The following RIT2 variants were observed in gnomAD, a reference collection of about 807,000 sequenced individuals.
RIT2 encodes Ras like without CAAX 2.
Under a neutral mutation model 23.7 loss-of-function variants are expected in RIT2, and 24 were observed. The observed-to-expected ratio is 1.01, with a 90% CI of 0.73 to 1.43. The LOEUF (loss-of-function observed/expected upper bound fraction) is 1.43. Among genes scored for constraint, RIT2 ranks in the 40% most tolerant of loss-of-function variants. The probability of loss-of-function intolerance (pLI) is 0.00; values close to 1 mark genes in which losing one functional copy is unlikely to be tolerated. For missense variants in RIT2, 236 were observed against 266.9 expected (o/e 0.88, Z 0.81); for synonymous variants, 107 against 91.1 (o/e 1.17, Z -0.99).
chr18:43,008,046 A>T (rs1236488802), intron 2 of RIT2, among the ~76,000 whole-genome samples: 1 of 151,656 alleles, frequency 6.6e-6, no homozygotes, highest in Non-Finnish European at 1.5e-5. Flanking sequence ...CAAGGACATA[A>T]CACCACATAT....
intron 2 of RIT2, among the ~76,000 whole-genome samples, chr18:43,005,155 A>C (rs184830078): frequency 2.6e-5 from 4 of 151,986 alleles, no homozygotes; most frequent in African/African-American, 9.6e-5. Flanking sequence ...AGCTAATTCT[A>C]TCTCATCTCC....
intron 4 of RIT2, among the ~76,000 whole-genome samples, chr18:42,832,341 A>C (rs1375051188): frequency 6.6e-6 from 1 of 152,218 alleles, no homozygotes; most frequent in Non-Finnish European, 1.5e-5. Flanking sequence ...AATAATGTAA[A>C]TACCAAGTGA....
intron 1 of RIT2, among the ~76,000 whole-genome samples, chr18:43,063,529 A>C (rs573109949): frequency 4.6e-5 from 7 of 152,308 alleles, no homozygotes; most frequent in Non-Finnish European, 8.8e-5. Context: ...TTTTGAAATT[A>C]ATTTTACGTT....
intron 4 of RIT2, among the ~76,000 whole-genome samples, chr18:42,792,015 A>G (rs1371113550): frequency 6.6e-6 from 1 of 152,216 alleles, no homozygotes; most frequent in East Asian, 1.9e-4. Flanking sequence ...ACTTGGAAGG[A>G]TAGGACTTTG....
At chr18:43,090,737 G>T (rs1350164143) in intron 1 of RIT2, among the ~76,000 whole-genome samples, 1 of 151,950 alleles carries the variant, frequency 6.6e-6, no homozygotes, top group East Asian at 1.9e-4. Flanking sequence ...GAGCAAGTTT[G>T]CTAAGGCCAT....
intron 1 of RIT2, among the ~76,000 whole-genome samples, chr18:43,052,965 G>C (rs547743456): frequency 2.0e-5 from 3 of 151,794 alleles, no homozygotes; most frequent in Non-Finnish European, 4.4e-5. Context: ...TATTTCATGC[G>C]GATAATTAAA....
intron 3 of RIT2, among the ~76,000 whole-genome samples, chr18:42,935,980 G>A (rs1345714887): frequency 1.3e-5 from 2 of 151,738 alleles, no homozygotes; most frequent in Admixed American, 6.6e-5. Flanking sequence ...GGCAATCCAA[G>A]GCAGTTTCCT....
intron 2 of RIT2, among the ~76,000 whole-genome samples, chr18:43,014,730 G>A (rs1474688814): frequency 6.6e-6 from 1 of 151,516 alleles, no homozygotes; most frequent in East Asian, 1.9e-4. Flanking sequence ...CACAAAATAA[G>A]AGTGCAGGAA....
chr18:42,872,111 AAAAC>A (rs897727839), intron 4 of RIT2, among the ~76,000 whole-genome samples: 8 of 152,204 alleles, frequency 5.3e-5, no homozygotes, highest in African/African-American at 9.7e-5. Context: ...TATTAAGTAA[AAAAC>A]AAAAAAAAAT....
At chr18:42,855,983 A>C (rs1907171129) in intron 4 of RIT2, among the ~76,000 whole-genome samples, 1 of 152,154 alleles carries the variant, frequency 6.6e-6, no homozygotes, top group Non-Finnish European at 1.5e-5. Flanking sequence ...CCCAAAATGA[A>C]GCCCTCAGAA....
At chr18:43,061,402 C>T (rs62092696) in intron 1 of RIT2, among the ~76,000 whole-genome samples, 12,164 of 152,054 alleles carry the variant, frequency 0.08, 632 homozygotes, top group East Asian at 0.18. Context: ...TAATAAGCAA[C>T]GGATATCAGA....
intron 4 of RIT2, among the ~76,000 whole-genome samples, chr18:42,892,101 G>C (rs1250935790): frequency 6.6e-6 from 1 of 152,078 alleles, no homozygotes; most frequent in African/African-American, 2.4e-5. Flanking sequence ...AACCTCTCCA[G>C]GGTAGAAGGC....
At chr18:43,075,636 T>C (rs1234832517) in intron 1 of RIT2, among the ~76,000 whole-genome samples, 2 of 152,210 alleles carry the variant, frequency 1.3e-5, no homozygotes, top group Non-Finnish European at 2.9e-5. Flanking sequence ...ATACTGCTTG[T>C]TTCTGAGTCT....
intron 1 of RIT2, among the ~76,000 whole-genome samples, chr18:43,042,759 G>A (rs1912157980): frequency 6.6e-6 from 1 of 152,160 alleles, no homozygotes; most frequent in African/African-American, 2.4e-5. Flanking sequence ...GAAGAAGATG[G>A]GGAGTTGTGG....
At chr18:42,842,451 T>G (rs147860362) in intron 4 of RIT2, among the ~76,000 whole-genome samples, 6 of 152,288 alleles carry the variant, frequency 3.9e-5, no homozygotes, top group African/African-American at 1.4e-4. Context: ...ATATAATAAG[T>G]ATATTCAATG....
At chr18:43,016,377 A>C (rs1188346582) in intron 2 of RIT2, among the ~76,000 whole-genome samples, 2 of 151,852 alleles carry the variant, frequency 1.3e-5, no homozygotes, top group Non-Finnish European at 2.9e-5. Context: ...TTTTGTTTTT[A>C]AAAATAAATA....
rs543030409 is a variant in RIT2, at chr18:42,916,443, A to G, written c.426+7129T>C. Among the ~76,000 whole-genome samples the G allele has an allele frequency of 4.6e-5, 7 of 152,250 alleles. No homozygotes were observed. The East Asian group carries it at 1.4e-3, about 29-fold the overall frequency. ...TTAGGCAGATTTCAGTTATTAAAGAATTGCTACTCTGTTTTACAGCTGAAA... is the reference window on the plus strand; with the variant it reads ...TTAGGCAGATTTCAGTTATTAAAGAGTTGCTACTCTGTTTTACAGCTGAAA... On this transcript the variant is annotated intron_variant, in intron 4 of 4. Transcript: ENST00000326695.
intron 3 of RIT2, among the ~76,000 whole-genome samples, chr18:42,956,339 A>G (rs1432720271): frequency 6.6e-6 from 1 of 152,174 alleles, no homozygotes; most frequent in Non-Finnish European, 1.5e-5. Flanking sequence ...TGATTGCTAA[A>G]TAAGTCCTTT....
intron 2 of RIT2, among the ~76,000 whole-genome samples, chr18:42,990,483 C>A (rs1910816391): frequency 6.6e-6 from 1 of 152,190 alleles, no homozygotes; most frequent in Non-Finnish European, 1.5e-5. Context: ...GGGCTTTCTG[C>A]ACTTGCCCAG....
Sources: gnomAD v4.1 joint callset for allele counts (sites outside exome capture counted in the v4.1 genomes callset) on GRCh38, gnomAD v4.1.1 for gene constraint, MANE v1.5 for transcripts, NCBI Gene and HGNC (gene_info 2026-07-23, HGNC 2026-07-21) for gene names.